CNTNAP5: variants seen among roughly 807,000 people sequenced by gnomAD.
CNTNAP5 encodes contactin associated protein family member 5.
Under a neutral mutation model 150.2 loss-of-function variants are expected in CNTNAP5, and 72 were observed. That is an observed-to-expected ratio of 0.48 (90% CI 0.40 to 0.58). The LOEUF is 0.58. CNTNAP5 is among the 20% of genes least tolerant of loss of function. The pLI is 0.00. For missense variants in CNTNAP5, 1,636 were observed against 1,626.2 expected, an observed-to-expected ratio of 1.01 and a Z score of -0.10; for synonymous variants, 672 against 619.8, an observed-to-expected ratio of 1.08 and a Z score of -1.25.
intron 13 of CNTNAP5, among the ~76,000 whole-genome samples, chr2:124,686,307 A>G (rs1679192343): frequency 6.6e-6 from 1 of 152,172 alleles, no homozygotes; most frequent in South Asian, 2.1e-4. Context: ...TAAAGAAGGC[A>G]GCATGATCTC....
chr2:124,067,546 A>G (rs1213948), intron 1 of CNTNAP5, among the ~76,000 whole-genome samples: 38,873 of 152,096 alleles, frequency 0.26, 5,175 homozygotes, highest in South Asian at 0.32. Flanking sequence ...TCCCATCTCA[A>G]TATCTTGCAA....
intron 18 of CNTNAP5, among the ~76,000 whole-genome samples, chr2:124,794,887 G>A (rs1681812405): frequency 6.6e-6 from 1 of 152,094 alleles, no homozygotes; most frequent in South Asian, 2.1e-4. Context: ...TAAACACGTA[G>A]CCACAGGATC....
chr2:124,118,600 GA>G, intron 1 of CNTNAP5, among the ~76,000 whole-genome samples: 1 of 152,144 alleles, frequency 6.6e-6, no homozygotes, highest in Non-Finnish European at 1.5e-5. Flanking sequence ...AAGGGTAGTG[GA>G]AGGTCAAGGA....
At chr2:124,554,995 A>T (rs1695718179) in intron 10 of CNTNAP5, among the ~76,000 whole-genome samples, 1 of 152,184 alleles carries the variant, frequency 6.6e-6, no homozygotes, top group South Asian at 2.1e-4. Flanking sequence ...AGACTTCATG[A>T]CTTGATGTAA....
chr2:124,893,151 C>T (rs1678234044), intron 21 of CNTNAP5, among the ~76,000 whole-genome samples: 1 of 152,092 alleles, frequency 6.6e-6, no homozygotes, highest in Non-Finnish European at 1.5e-5. Context: ...CAGGCTGGGA[C>T]TGGGTTCACA....
At chr2:124,896,346 T>A (rs2104753408) in intron 21 of CNTNAP5, among the ~76,000 whole-genome samples, 1 of 151,634 alleles carries the variant, frequency 6.6e-6, no homozygotes, top group Admixed American at 6.5e-5. Flanking sequence ...ATATTTATTT[T>A]TTCATTCACT....
chr2:124,657,344 G>T (rs1276742704), intron 13 of CNTNAP5, among the ~76,000 whole-genome samples: 2 of 152,028 alleles, frequency 1.3e-5, no homozygotes, highest in African/African-American at 4.8e-5. Context: ...TTCAGTAAAT[G>T]CTACCTTCAT....
chr2:124,816,476 T>TC (rs1682364436), intron 19 of CNTNAP5, among the ~76,000 whole-genome samples: 1 of 145,610 alleles, frequency 6.9e-6, no homozygotes, highest in South Asian at 2.2e-4. Context: ...CAGCTTACTT[T>TC]TTTTTTTTTT....
chr2:124,425,338 A>G (rs1222783276), intron 4 of CNTNAP5, among the ~76,000 whole-genome samples: 1 of 152,232 alleles, frequency 6.6e-6, no homozygotes, highest in African/African-American at 2.4e-5. Context: ...TGCTATTTAA[A>G]TGACTCTCAT....
intron 21 of CNTNAP5, among the ~76,000 whole-genome samples, chr2:124,898,731 C>T (rs1231553544): frequency 1.3e-5 from 2 of 151,388 alleles, no homozygotes; most frequent in Non-Finnish European, 1.5e-5. Context: ...GTATCTACAC[C>T]ATAGTTCTAA....
At chr2:124,265,467 A>G (rs1190799030) in intron 3 of CNTNAP5, among the ~76,000 whole-genome samples, 1 of 152,006 alleles carries the variant, frequency 6.6e-6, no homozygotes, top group Non-Finnish European at 1.5e-5. Context: ...TCCTGTCCTA[A>G]TCCATCACTA....
intron 2 of CNTNAP5, among the ~76,000 whole-genome samples, chr2:124,222,488 T>C (rs2104741679): frequency 6.6e-6 from 1 of 152,260 alleles, no homozygotes; most frequent in East Asian, 1.9e-4. Context: ...ATTTGAATTA[T>C]TTCAATTTTT....
intron 2 of CNTNAP5, among the ~76,000 whole-genome samples, chr2:124,227,623 C>G (rs1049934828): frequency 2.0e-5 from 3 of 146,768 alleles, no homozygotes; most frequent in Non-Finnish European, 4.5e-5. Context: ...CAAATATAAA[C>G]TCAGCACATC....
chr2:124,175,688 T>C (rs1418025675), intron 1 of CNTNAP5, among the ~76,000 whole-genome samples: 1 of 152,176 alleles, frequency 6.6e-6, no homozygotes, highest in Non-Finnish European at 1.5e-5. Context: ...CAGTATTTGG[T>C]TTTCTGTTCC....
chr2:124,518,050 G>A (rs1694768903), intron 8 of CNTNAP5, among the ~76,000 whole-genome samples: 1 of 151,942 alleles, frequency 6.6e-6, no homozygotes, highest in South Asian at 2.1e-4. Flanking sequence ...TGACACAGGA[G>A]GTATACCACA....
chr2:124,803,224 A>G (rs1242848878), intron 19 of CNTNAP5, among the ~76,000 whole-genome samples: 1 of 152,100 alleles, frequency 6.6e-6, no homozygotes, highest in East Asian at 1.9e-4. Flanking sequence ...AAGATGATCA[A>G]TTCTCTCTGG....
intron 3 of CNTNAP5, among the ~76,000 whole-genome samples, chr2:124,312,428 A>C (rs1008916084): frequency 6.6e-6 from 1 of 152,004 alleles, no homozygotes; most frequent in Non-Finnish European, 1.5e-5. Flanking sequence ...GGCTCACTGC[A>C]ACCTCCGCAC....
At chr2:124,194,416 T>TATAA (rs1685535028) in intron 1 of CNTNAP5, among the ~76,000 whole-genome samples, 4 of 67,336 alleles carry the variant, frequency 5.9e-5, no homozygotes, top group Admixed American at 4.3e-4. Flanking sequence ...TATATAAATA[T>TATAA]AAATAGGTGT....
At chr2:124,104,785 C>T (rs900889851) in intron 1 of CNTNAP5, among the ~76,000 whole-genome samples, 8 of 152,200 alleles carry the variant, frequency 5.3e-5, no homozygotes, top group African/African-American at 1.9e-4. Flanking sequence ...ACTAGTTCCA[C>T]TCCATGACTT....
Sources: gnomAD v4.1 joint callset for allele counts (sites outside exome capture counted in the v4.1 genomes callset) on GRCh38, gnomAD v4.1.1 for gene constraint, MANE v1.5 for transcripts, NCBI Gene and HGNC (gene_info 2026-07-23, HGNC 2026-07-21) for gene names.